The following SLC19A3 variants were observed in gnomAD, a reference collection of about 807,000 sequenced individuals.
SLC19A3 encodes solute carrier family 19 member 3.
SLC19A3 carries 31 observed loss-of-function variants against 40.2 expected under a neutral mutation model. That is an observed-to-expected ratio of 0.77 (90% confidence interval 0.58 to 1.04). The LOEUF (loss-of-function observed/expected upper bound fraction) is 1.04, where lower values mean the gene tolerates loss of function less well. SLC19A3 is among the 50% of genes least tolerant of loss of function. The probability of loss-of-function intolerance (pLI) is 0.00; values close to 1 mark genes in which losing one functional copy is unlikely to be tolerated. For synonymous variants in SLC19A3, 212 were observed against 227.5 expected (o/e 0.93, Z 0.61); for missense variants, 592 against 596.7 (o/e 0.99, Z 0.08).
intron 4 of SLC19A3, 94 bp from the exon 5 acceptor site, chr2:227,688,401 C>T: frequency 8.9e-7 from 1 of 1,120,768 alleles, no homozygotes; most frequent in Non-Finnish European, 1.3e-6. Flanking sequence ...GTATTTGTGT[C>T]ACCCACCTCC....
At chr2:227,697,930 T>G (rs1227232991) in intron 3 of SLC19A3, among the ~76,000 whole-genome samples, 1 of 151,196 alleles carries the variant, frequency 6.6e-6, no homozygotes, top group Non-Finnish European at 1.5e-5. Context: ...ACAAAAAAAT[T>G]TAGCTGGGCA....
At chr2:227,696,673 G>A (rs909770484) in intron 3 of SLC19A3, among the ~76,000 whole-genome samples, 1 of 152,076 alleles carries the variant, frequency 6.6e-6, no homozygotes, top group Non-Finnish European at 1.5e-5. Flanking sequence ...GAGAAGCTTT[G>A]GGTGAAAATA....
chr2:227,690,380 T>C (rs1167152222), intron 4 of SLC19A3, among the ~76,000 whole-genome samples: 1 of 151,836 alleles, frequency 6.6e-6, no homozygotes. Flanking sequence ...CATTAAACAA[T>C]GATAAAAGGG....
At chr2:227,712,106 T>A (rs367784156) in intron 1 of SLC19A3, among the ~76,000 whole-genome samples, 6 of 148,782 alleles carry the variant, frequency 4.0e-5, no homozygotes, top group African/African-American at 1.5e-4. Flanking sequence ...GAGGTACTGT[T>A]AAGAAACTGG....
At chr2:227,695,696 G>A (rs1040938002) in intron 4 of SLC19A3, 193 bp downstream of exon 4, 8 of 613,418 alleles carry the variant, frequency 1.3e-5, no homozygotes, top group African/African-American at 5.5e-5. Context: ...GATGACTTAA[G>A]GTATATTGTA....
At chr2:227,717,787 G>C (rs577083566) in intron 1 of SLC19A3, among the ~76,000 whole-genome samples, 156 bp downstream of exon 1, 30 of 152,280 alleles carry the variant, frequency 2.0e-4, no homozygotes, top group Non-Finnish European at 3.1e-4. Flanking sequence ...TGCGGCGTAG[G>C]GGGAGAGCTC....
intron 4 of SLC19A3, among the ~76,000 whole-genome samples, chr2:227,688,691 A>G (rs921212337): frequency 3.3e-5 from 5 of 152,168 alleles, no homozygotes; most frequent in Admixed American, 3.3e-4. Flanking sequence ...CAAAGACTAC[A>G]ATAAATACAA....
chr2:227,697,552 C>T (rs1695484736), intron 3 of SLC19A3, among the ~76,000 whole-genome samples: 2 of 152,118 alleles, frequency 1.3e-5, no homozygotes, highest in African/African-American at 4.8e-5. Flanking sequence ...GTTATAGGTG[C>T]ATGCTAGCTA....
chr2:227,701,082 G>C, intron 2 of SLC19A3: 1 of 1,302,800 alleles, frequency 7.7e-7, no homozygotes, highest in Non-Finnish European at 1.0e-6. Context: ...TCTGTCCTTT[G>C]TTGTCTTAAT....
intron 4 of SLC19A3, among the ~76,000 whole-genome samples, chr2:227,694,669 T>G (rs140916567): frequency 0.014 from 2,074 of 152,346 alleles, 22 homozygotes; most frequent in Middle Eastern, 0.048. Flanking sequence ...ACCGAATGGT[T>G]TTTTAATCAT....
Position 227,712,548 on chromosome 2 carries a change from C to G in SLC19A3, c.-3+5395G>C, listed in dbSNP as rs976263133. 3.9e-5 allele frequency among the ~76,000 whole-genome samples: 6 copies of G among 152,298 alleles called. No homozygotes were observed. In the Middle Eastern group the frequency reaches 0.014, roughly 345 times the overall value. ...CATACCAAATGTTGGCAAAGATTTA[C>G]AGCAAGTGAATCCATATACATTGCT... On this transcript the variant is annotated intron_variant, in intron 1 of 5. Coordinates refer to ENST00000644224, the MANE Select transcript of SLC19A3 (RefSeq NM_025243.4).
intron 3 of SLC19A3, 67 bp downstream of exon 3, chr2:227,698,669 C>A (rs1459808316): frequency 7.3e-7 from 1 of 1,375,296 alleles, no homozygotes; most frequent in Non-Finnish European, 1.0e-6. Context: ...CCATGAAGTT[C>A]GGTACCTGGA....
In SLC19A3 at chr2:227,714,538, C is replaced by T. The variant is rs1253964107; in HGVS notation, c.-3+3405G>A. The T allele has an allele frequency of 1.7e-5, 17 of 985,090 alleles. No individual in the cohort carries two copies. In the South Asian group the frequency reaches 2.8e-4, roughly 16 times the overall value. The allele number at this position is 985,090 out of a possible 1,614,324, so 61.0% of individuals were successfully genotyped here. On this transcript the variant is annotated intron_variant, in intron 1 of 5. Transcript: ENST00000644224. ...CCAACTTCTGCTCCTTCCTGCTGCC[C>T]GCCACTATGAAAATCCCTTTCCATA...
In SLC19A3 at chr2:227,698,809, C is replaced by G. The variant is rs773509133; in HGVS notation, c.906G>C (p.Leu302=). 6.2e-7 allele frequency: 1 copy of G among 1,614,220 alleles called. No individual in the cohort carries two copies. The highest frequency in any genetic ancestry group is 1.3e-5 in the African/African-American group (1 of 75,048). Residue 302 remains leucine (L), a synonymous_variant, in exon 3 of 6, where the codon CTG becomes CTC. Coordinates refer to ENST00000644224, the MANE Select transcript of SLC19A3 (RefSeq NM_025243.4). ...CTTGGGATGGCGCCTTGTAATCCCA[C>G]AGGATTTGAACATAGTTCAAAACCT... ...FNQVLNYVQI[L]WDYKAPSQDS... is the part of the protein sequence containing the mutation.
At chr2:227,707,267 T>C (rs1695980125) in intron 1 of SLC19A3, among the ~76,000 whole-genome samples, 1 of 152,238 alleles carries the variant, frequency 6.6e-6, no homozygotes, top group Non-Finnish European at 1.5e-5. Context: ...GATGGGTTCC[T>C]TTCTTCTTTT....
intron 1 of SLC19A3, among the ~76,000 whole-genome samples, chr2:227,710,459 G>T (rs139865073): frequency 1.1e-3 from 173 of 152,242 alleles, no homozygotes; most frequent in African/African-American, 4.0e-3. Flanking sequence ...ACTTTGGGAG[G>T]CCGAGACGGG....
chr2:227,688,769 A>G (rs1695114900), intron 4 of SLC19A3, among the ~76,000 whole-genome samples: 1 of 152,112 alleles, frequency 6.6e-6, no homozygotes. Context: ...CGTTCTCACC[A>G]AACAAACTAA....
chr2:227,712,987 G>A (rs974899018), intron 1 of SLC19A3, among the ~76,000 whole-genome samples: 1 of 152,128 alleles, frequency 6.6e-6, no homozygotes, highest in African/African-American at 2.4e-5. Context: ...CTTGATTGTG[G>A]TGATGATTAC....
rs1695009914 is a variant in SLC19A3 at position 227,686,206 on chromosome 2, C to G, written c.*1191G>C. On this transcript the variant is annotated 3_prime_UTR_variant, in exon 6 of 6. Coordinates refer to ENST00000644224, the MANE Select transcript of SLC19A3 (RefSeq NM_025243.4). ...AGCGAGACTGTCTCAAAAACCAAAA[C>G]AAAACAAAATCAGGTGTTTTATTCC... is the stretch of plus-strand genomic sequence containing the variant. The G allele has an allele frequency of 2.4e-6, 1 of 421,910 alleles. No individual in the cohort carries two copies. Among genetic ancestry groups the G allele is most frequent in the African/African-American group, 2.0e-5 (1 of 48,832 alleles). 26.1% of individuals were successfully genotyped at this position (421,910 alleles called of 1,614,324 possible).
Sources: gnomAD v4.1 joint callset for allele counts (sites outside exome capture counted in the v4.1 genomes callset) on GRCh38, gnomAD v4.1.1 for gene constraint, MANE v1.5 for transcripts, NCBI Gene and HGNC (gene_info 2026-07-23, HGNC 2026-07-21) for gene names.